The following LRRC49 variants were observed in gnomAD, a reference collection of about 807,000 sequenced individuals.
LRRC49 encodes leucine rich repeat containing 49.
Under a neutral mutation model 83.3 loss-of-function variants are expected in LRRC49, and 50 were observed. That is an observed-to-expected ratio of 0.60 (90% CI 0.48 to 0.76). The LOEUF is 0.76. Among genes scored for constraint, LRRC49 ranks in the 30% least tolerant of loss-of-function variants. LRRC49 has a pLI of 0.00. For synonymous variants in LRRC49, 286 were observed against 283.3 expected (o/e 1.01, Z -0.10); for missense variants, 704 against 809.1 (o/e 0.87, Z 1.58).
At chr15:70,890,258 A>G (rs1013871564), upstream of LRRC49, among the ~76,000 whole-genome samples, 13 of 152,246 alleles carry the variant, frequency 8.5e-5, no homozygotes, top group Admixed American at 3.9e-4. Flanking sequence ...ACACACATAT[A>G]TATGTATGTG....
Position 70,900,931 on chromosome 15 carries a change from T to G in LRRC49, c.203T>G (p.Ile68Ser). 1 of 1,590,062 alleles carries G rather than the reference T, an allele frequency of 6.3e-7. No individual in the cohort carries two copies. The highest frequency in any genetic ancestry group is 8.6e-7 in the Non-Finnish European group (1 of 1,164,502). ...RNYSSRQGDH[I>S]NLVSSSLSSF... is the part of the protein sequence containing the mutation. ...ATATCATTTTTAATAGGTGATCATA[T>G]TAATTTGGTGAGCTCATCATTGTCA... is the stretch of plus-strand genomic sequence containing the variant. Residue 68 changes from isoleucine to serine, a missense_variant, in exon 4 of 16, where the codon ATT (isoleucine) becomes AGT (serine). This residue lies in a region of LRRC49 where 261 missense variants were observed against 330.5 expected (regional missense o/e 0.79). Transcript: ENST00000260382.
chr15:70,909,685 A>C (rs1276068180), intron 5 of LRRC49, among the ~76,000 whole-genome samples: 1 of 152,056 alleles, frequency 6.6e-6, no homozygotes, highest in Non-Finnish European at 1.5e-5. Flanking sequence ...CCAAAACTAC[A>C]ACAATTAGCA....
At chr15:70,938,844 G>T (rs1202231778) in intron 8 of LRRC49, among the ~76,000 whole-genome samples, 1 of 152,090 alleles carries the variant, frequency 6.6e-6, no homozygotes, top group Non-Finnish European at 1.5e-5. Context: ...AAAAATACCA[G>T]TGGTCTGTGT....
intron 11 of LRRC49, among the ~76,000 whole-genome samples, chr15:71,002,795 C>G (rs1052679168): frequency 1.3e-5 from 2 of 151,952 alleles, no homozygotes; most frequent in Non-Finnish European, 2.9e-5. Context: ...AATAATAATC[C>G]TCCTAAATAA....
intron 5 of LRRC49, 71 bp from the exon 6 acceptor site, chr15:70,911,461 C>G (rs1363335904): frequency 1.2e-6 from 1 of 801,552 alleles, no homozygotes; most frequent in East Asian, 2.6e-5. Context: ...CACCTTTATG[C>G]CTTAGCATAC....
chr15:70,940,936 A>T (rs1234882739), intron 8 of LRRC49, among the ~76,000 whole-genome samples: 1 of 152,182 alleles, frequency 6.6e-6, no homozygotes, highest in Admixed American at 6.5e-5. Flanking sequence ...CTTCAGACAA[A>T]CATTTAATTG....
At chr15:70,892,161 G>C, upstream of LRRC49, 6 of 1,612,190 alleles carry the variant, frequency 3.7e-6, no homozygotes, top group Non-Finnish European at 5.1e-6. Flanking sequence ...CGGCAACCCC[G>C]CACGAAGCGG....
intron 14 of LRRC49, among the ~76,000 whole-genome samples, chr15:71,023,561 G>A (rs545146382): frequency 1.3e-5 from 2 of 152,176 alleles, no homozygotes; most frequent in Admixed American, 1.3e-4. Flanking sequence ...CATGGAGAGA[G>A]AGGAAAAACA....
At chr15:71,013,043 G>A (rs1315179251) in intron 14 of LRRC49, 130 bp downstream of exon 14, 13 of 605,168 alleles carry the variant, frequency 2.1e-5, no homozygotes, top group Non-Finnish European at 3.2e-5. Context: ...CCTATTGAAA[G>A]TGTTGGGGAT....
chr15:71,004,647 TAAAAA>T (rs35055682), intron 11 of LRRC49, among the ~76,000 whole-genome samples: 1 of 121,890 alleles, frequency 8.2e-6, no homozygotes, highest in African/African-American at 3.1e-5. Context: ...GAAACTGTGT[TAAAAA>T]AAAAAAAAAA....
intron 7 of LRRC49, among the ~76,000 whole-genome samples, chr15:70,934,254 G>T (rs1343366715): frequency 1.3e-5 from 2 of 152,136 alleles, no homozygotes; most frequent in Non-Finnish European, 1.5e-5. Flanking sequence ...GGTAAATACG[G>T]TGTTTTCTTT....
intron 11 of LRRC49, among the ~76,000 whole-genome samples, chr15:71,003,747 A>T (rs1177908484): frequency 6.6e-6 from 1 of 152,186 alleles, no homozygotes; most frequent in Non-Finnish European, 1.5e-5. Flanking sequence ...GCAAACTGAA[A>T]CTCAAAGAAT....
chr15:71,049,109 A>G (rs1428093636), intron 15 of LRRC49, among the ~76,000 whole-genome samples: 1 of 152,202 alleles, frequency 6.6e-6, no homozygotes. Flanking sequence ...AATGACCTGA[A>G]CTGAGATAGG....
intron 14 of LRRC49, among the ~76,000 whole-genome samples, chr15:71,017,268 T>C (rs1475327763): frequency 6.6e-6 from 1 of 152,176 alleles, no homozygotes. Flanking sequence ...CAAATCCCAA[T>C]ATGATTTCTC....
At position 70,990,257 on chromosome 15, in the gene LRRC49, C is replaced by A. The variant is rs191636174; in HGVS notation, c.1169+6000C>A. On this transcript the variant is annotated intron_variant, in intron 11 of 15. Transcript: ENST00000260382. Reference sequence around the variant, plus strand: ...CAGAGGTGGAGCCTACAGAGGCAGGCAGGCCTCCTTGAGCTGTGGTGGGCT... The same window carrying A: ...CAGAGGTGGAGCCTACAGAGGCAGGAAGGCCTCCTTGAGCTGTGGTGGGCT... Among the ~76,000 whole-genome samples, 725 of 152,348 alleles carry A rather than the reference C, an allele frequency of 4.8e-3. 24 individuals are homozygous for A. Among genetic ancestry groups the A allele is most frequent in the Admixed American group, 0.043 (656 of 15,302 alleles).
At chr15:70,945,457 G>T (rs555450416) in intron 8 of LRRC49, among the ~76,000 whole-genome samples, 76 of 151,036 alleles carry the variant, frequency 5.0e-4, no homozygotes, top group African/African-American at 1.8e-3. Context: ...TTACCTGTCT[G>T]GTACTTAAAG....
chr15:70,961,711 A>C (rs2036606649), intron 8 of LRRC49, among the ~76,000 whole-genome samples: 1 of 152,228 alleles, frequency 6.6e-6, no homozygotes, highest in African/African-American at 2.4e-5. Flanking sequence ...CTATAGTGAC[A>C]GTAGAAAGAT....
At chr15:70,996,726 G>A (rs2038086288) in intron 11 of LRRC49, among the ~76,000 whole-genome samples, 1 of 151,888 alleles carries the variant, frequency 6.6e-6, no homozygotes. Flanking sequence ...TCCACTATAG[G>A]CAATAGGCCT....
intron 5 of LRRC49, among the ~76,000 whole-genome samples, chr15:70,910,373 C>CAT (rs1307784628): frequency 2.0e-5 from 3 of 151,874 alleles, no homozygotes; most frequent in East Asian, 1.9e-4. Flanking sequence ...ATACACACTA[C>CAT]ATATATATAT....
Sources: allele counts gnomAD v4.1 joint callset (sites outside exome capture counted in the v4.1 genomes callset), GRCh38; gene constraint gnomAD v4.1.1; regional missense constraint gnomAD v4.1.1; transcripts MANE v1.5; gene names NCBI Gene and HGNC (gene_info 2026-07-23, HGNC 2026-07-21).